PRDM5: variants seen among roughly 807,000 people sequenced by gnomAD.
PRDM5 encodes PR/SET domain 5.
Under a neutral mutation model 81.2 loss-of-function variants are expected in PRDM5, and 56 were observed. The observed-to-expected ratio is 0.69, with a 90% CI of 0.56 to 0.86. PRDM5 has a LOEUF of 0.86. Among genes scored for constraint, PRDM5 ranks in the 40% least tolerant of loss-of-function variants. The pLI, the probability that PRDM5 is intolerant of heterozygous loss-of-function variation, is 0.00. For synonymous variants in PRDM5, 267 were observed against 256.4 expected (o/e 1.04, Z -0.39); for missense variants, 697 against 770.1 (o/e 0.91, Z 1.12).
chr4:120,731,984 G>C (rs945167067), intron 14 of PRDM5, among the ~76,000 whole-genome samples: 3 of 152,310 alleles, frequency 2.0e-5, no homozygotes, highest in Admixed American at 6.5e-5. Context: ...CTGTGAGTAG[G>C]TGACAGAAGT....
intron 1 of PRDM5, among the ~76,000 whole-genome samples, chr4:120,912,895 AG>A (rs1377680506): frequency 6.6e-6 from 1 of 152,246 alleles, no homozygotes; most frequent in African/African-American, 2.4e-5. Flanking sequence ...GTCCCCACTT[AG>A]AACATAATTA....
chr4:120,751,603 T>C (rs946884215), intron 14 of PRDM5, among the ~76,000 whole-genome samples: 1 of 152,004 alleles, frequency 6.6e-6, no homozygotes, highest in Non-Finnish European at 1.5e-5. Flanking sequence ...TACAACACAG[T>C]AGAAGCTGAA....
At chr4:120,700,860 C>T (rs1010579443) in intron 15 of PRDM5, among the ~76,000 whole-genome samples, 1 of 152,158 alleles carries the variant, frequency 6.6e-6, no homozygotes, top group African/African-American at 2.4e-5. Flanking sequence ...CATGGTGGCT[C>T]ACATCTATAA....
At chr4:120,820,104 C>G (rs1025036522) in intron 4 of PRDM5, among the ~76,000 whole-genome samples, 6 of 152,192 alleles carry the variant, frequency 3.9e-5, no homozygotes, top group African/African-American at 1.4e-4. Context: ...AAAATTCATA[C>G]GTTGAAACTG....
chr4:120,803,303 A>G (rs1164524474), intron 8 of PRDM5, among the ~76,000 whole-genome samples: 1 of 152,214 alleles, frequency 6.6e-6, no homozygotes, highest in Non-Finnish European at 1.5e-5. Flanking sequence ...ATCCAGGAGA[A>G]CTTACCCAAC....
At chr4:120,751,088 G>C (rs1743935622) in intron 14 of PRDM5, among the ~76,000 whole-genome samples, 2 of 152,008 alleles carry the variant, frequency 1.3e-5, no homozygotes, top group Non-Finnish European at 2.9e-5. Context: ...CTGTCATTTA[G>C]GCTGAAGTGC....
At chr4:120,686,277 C>T (rs575730048) in intron 1 of PRDM5, among the ~76,000 whole-genome samples, 1 of 152,058 alleles carries the variant, frequency 6.6e-6, no homozygotes, top group Non-Finnish European at 1.5e-5. Flanking sequence ...CGGCCTAATA[C>T]TCCTTTCATT....
intron 11 of PRDM5, among the ~76,000 whole-genome samples, chr4:120,781,752 TAG>T (rs1749069363): frequency 6.6e-6 from 1 of 152,054 alleles, no homozygotes; most frequent in Non-Finnish European, 1.5e-5. Context: ...GGATTGTAGG[TAG>T]AGAGCTGAGG....
At chr4:120,875,813 T>C (rs1762282089) in intron 2 of PRDM5, among the ~76,000 whole-genome samples, 1 of 152,172 alleles carries the variant, frequency 6.6e-6, no homozygotes, top group Non-Finnish European at 1.5e-5. Context: ...AAATTCTTTT[T>C]CACAGAAAAA....
intron 14 of PRDM5, among the ~76,000 whole-genome samples, chr4:120,722,275 C>T (rs140125899): frequency 6.5e-4 from 99 of 152,228 alleles, no homozygotes; most frequent in Middle Eastern, 3.4e-3. Context: ...TGACATTTAG[C>T]GTAGTCATGA....
chr4:120,777,815 T>C (rs1561194868), intron 12 of PRDM5, among the ~76,000 whole-genome samples: 1 of 152,146 alleles, frequency 6.6e-6, no homozygotes, highest in Admixed American at 6.5e-5. Context: ...GAGCAGTCAA[T>C]TTGAAAGCAT....
At chr4:120,784,614 C>T (rs779503402) in intron 11 of PRDM5, among the ~76,000 whole-genome samples, 1 of 151,974 alleles carries the variant, frequency 6.6e-6, no homozygotes, top group Non-Finnish European at 1.5e-5. Context: ...GCTCATAAAA[C>T]GATGCCAGAT....
At chr4:120,874,761 A>C (rs1043026961) in intron 2 of PRDM5, among the ~76,000 whole-genome samples, 4 of 152,216 alleles carry the variant, frequency 2.6e-5, no homozygotes, top group African/African-American at 9.6e-5. Context: ...TTTCTTGCCC[A>C]ATACTGATAC....
At chr4:120,711,464 ATT>A (rs5861485) in intron 14 of PRDM5, among the ~76,000 whole-genome samples, 7,078 of 134,350 alleles carry the variant, frequency 0.053, 177 homozygotes, top group African/African-American at 0.072. Context: ...ATACCCAGCT[ATT>A]TTTTTTTTTT....
Position 120,904,201 on chromosome 4 carries a change from AAAAAC to A in PRDM5, c.177+3268_177+3272del, listed in dbSNP as rs1201215414. ...GGAGACTCCTTCTCAAAAAAAAAAA[AAAAAC>A]AAAAAAACCTCCTTCCTTTATAAAT... On this transcript the variant is annotated intron_variant, in intron 2 of 15. Transcript: ENST00000264808. Among the ~76,000 whole-genome samples, 1,221 of 144,698 alleles carry A rather than the reference AAAAAC, an allele frequency of 8.4e-3. 82 individuals are homozygous for A. The highest frequency in any genetic ancestry group is 0.03 in the African/African-American group (1,137 of 38,106). 94.9% of individuals were successfully genotyped at this position (144,698 alleles called of 152,430 possible).
intron 1 of PRDM5, among the ~76,000 whole-genome samples, chr4:120,910,011 A>C (rs966582914): frequency 1.1e-4 from 17 of 151,930 alleles, no homozygotes; most frequent in African/African-American, 3.4e-4. Context: ...GACAAAAAAA[A>C]CCCTGTGATA....
At chr4:120,782,046 T>C (rs1749114216) in intron 11 of PRDM5, among the ~76,000 whole-genome samples, 1 of 151,514 alleles carries the variant, frequency 6.6e-6, no homozygotes, top group African/African-American at 2.5e-5. Flanking sequence ...AGAAATCTTA[T>C]GGTACTTTCT....
chr4:120,710,856 T>C (rs1291009623), intron 14 of PRDM5, among the ~76,000 whole-genome samples: 2 of 152,080 alleles, frequency 1.3e-5, no homozygotes, highest in Non-Finnish European at 2.9e-5. Context: ...CCTGTATAAA[T>C]CACCCAGTCT....
intron 14 of PRDM5, 106 bp downstream of exon 14, chr4:120,754,447 A>G (rs1403691823): frequency 1.4e-6 from 1 of 713,538 alleles, no homozygotes; most frequent in East Asian, 2.8e-5. Context: ...TAGATATACA[A>G]CTTCCAGTGT....
Sources: gnomAD v4.1 joint callset for allele counts (sites outside exome capture counted in the v4.1 genomes callset) on GRCh38, gnomAD v4.1.1 for gene constraint, MANE v1.5 for transcripts, NCBI Gene and HGNC (gene_info 2026-07-23, HGNC 2026-07-21) for gene names.